The following NCS1 variants were observed in gnomAD, a reference collection of about 807,000 sequenced individuals.
NCS1 encodes the protein neuronal calcium sensor 1.
A neutral mutation model predicts 28.4 loss-of-function variants in NCS1; 6 were observed. The observed-to-expected ratio is 0.21, with a 90% CI of 0.12 to 0.42. NCS1 has a LOEUF of 0.42. Among genes scored for constraint, NCS1 ranks in the 10% least tolerant of loss-of-function variants. The probability of loss-of-function intolerance (pLI) is 1.00; values close to 1 mark genes in which losing one functional copy is unlikely to be tolerated. For synonymous variants in NCS1, 86 were observed against 99.3 expected, an observed-to-expected ratio of 0.87 and a Z score of 0.79; for missense variants, 131 against 241.4, an observed-to-expected ratio of 0.54 and a Z score of 3.03.
chr9:130,220,951 G>C (rs1257397281), intron 4 of NCS1, among the ~76,000 whole-genome samples: 1 of 151,922 alleles, frequency 6.6e-6, no homozygotes, highest in Non-Finnish European at 1.5e-5. Flanking sequence ...CCCAGGCCCC[G>C]GGCTCTCCCA....
intron 1 of NCS1, among the ~76,000 whole-genome samples, chr9:130,185,835 C>T (rs1347556784): frequency 6.6e-6 from 1 of 152,270 alleles, no homozygotes; most frequent in South Asian, 2.1e-4. Context: ...CCCACACAGC[C>T]TTGCCGGGCC....
At position 130,215,314 on chromosome 9, in the gene NCS1, G is replaced by C. The variant is rs1588121813; in HGVS notation, c.90-2518G>C. ...AGGGAGAAGGCAGGTTTAAGGGCCA[G>C]GACGGGGGTGGCTGTGTCCCTTCCT... On this transcript the variant is annotated intron_variant, in intron 2 of 7. Transcript: ENST00000372398. This position sits in a 1 kb window ranked among gnomAD's most constrained non-coding sequence, Gnocchi z 4.2. 6.6e-6 allele frequency among the ~76,000 whole-genome samples: 1 copy of C among 152,208 alleles called. No individual in the cohort carries two copies. The highest frequency in any genetic ancestry group is 6.5e-5 in the Admixed American group (1 of 15,276).
intron 1 of NCS1, among the ~76,000 whole-genome samples, chr9:130,176,229 G>C (rs1588106054): frequency 8.3e-6 from 1 of 120,020 alleles, no homozygotes; most frequent in Middle Eastern, 5.4e-3. Context: ...GTCTGGCTGT[G>C]TTGCCCTGAC....
chr9:130,211,010 A>ATTTTTTTTTTTTT (rs34425557), intron 2 of NCS1, among the ~76,000 whole-genome samples: 7 of 92,398 alleles, frequency 7.6e-5, no homozygotes, highest in Non-Finnish European at 9.8e-5. Flanking sequence ...GGCTCCACTA[A>ATTTTTTTTTTTTT]TTTTTTTTTT....
rs185020798 is a variant in NCS1 at position 130,183,837 on chromosome 9, T to A, written c.64+11110T>A. On this transcript the variant is annotated intron_variant, in intron 1 of 7. Coordinates refer to ENST00000372398, the MANE Select transcript of NCS1 (RefSeq NM_014286.4). ...CTTTCTTTTTTTTTTTGAGACAGAGTCTCGCTCTGTCGCCCAGGCTGGAGT... is the reference window on the plus strand; with the variant it reads ...CTTTCTTTTTTTTTTTGAGACAGAGACTCGCTCTGTCGCCCAGGCTGGAGT... Among the ~76,000 whole-genome samples, 220 of 149,888 alleles carry A rather than the reference T, an allele frequency of 1.5e-3. 6 individuals are homozygous for A. The East Asian group carries it at 0.035, about 24-fold the overall frequency.
At chr9:130,183,500 T>C (rs1353949386) in intron 1 of NCS1, among the ~76,000 whole-genome samples, 1 of 152,200 alleles carries the variant, frequency 6.6e-6, no homozygotes, top group Non-Finnish European at 1.5e-5. Context: ...GAAATAGCAC[T>C]CTGCCTTTTT....
rs1833087306 is a variant in NCS1, at chr9:130,209,848, A to G, written c.90-7984A>G. Among the ~76,000 whole-genome samples, 1 of 152,168 alleles carries G rather than the reference A, an allele frequency of 6.6e-6. No individual in the cohort carries two copies. The highest frequency in any genetic ancestry group is 1.9e-4 in the East Asian group (1 of 5,192). ...GTTCCCAAACACAGTCAACCATATC[A>G]GAAACCTCGGCTTCCCGTGGCTGGG... On this transcript the variant is annotated intron_variant, in intron 2 of 7. Transcript: ENST00000372398. The surrounding 1 kb of genome is among the most constrained non-coding windows in gnomAD (Gnocchi z 4.4).
intron 2 of NCS1, among the ~76,000 whole-genome samples, chr9:130,216,055 CT>C (rs1833179896): frequency 2.0e-5 from 3 of 152,196 alleles, no homozygotes. Context: ...GGTGCCACCC[CT>C]GGGTGCCCCA....
intron 1 of NCS1, among the ~76,000 whole-genome samples, chr9:130,189,564 A>C (rs1811384176): frequency 6.6e-6 from 1 of 152,030 alleles, no homozygotes; most frequent in Non-Finnish European, 1.5e-5. Context: ...GGTCTTGGCC[A>C]GCCACGGTGG....
At chr9:130,200,512 A>G (rs773667478) in intron 1 of NCS1, 22 of 1,517,076 alleles carry the variant, frequency 1.5e-5, no homozygotes, top group Non-Finnish European at 2.0e-5. Flanking sequence ...TTTTCAGCCT[A>G]GCTCCCCCCA....
chr9:130,189,880 ATAT>A (rs1310491278), intron 1 of NCS1, among the ~76,000 whole-genome samples: 544 of 47,466 alleles, frequency 0.011, 1 homozygote, highest in African/African-American at 0.014. Flanking sequence ...AAAAAAAAAA[ATAT>A]ATATATATAT....
chr9:130,189,879 A>T (rs2109623), intron 1 of NCS1, among the ~76,000 whole-genome samples: 3,252 of 37,166 alleles, frequency 0.087, 205 homozygotes, highest in Middle Eastern at 0.12. Context: ...AAAAAAAAAA[A>T]ATATATATAT....
chr9:130,208,793 G>T lies in NCS1; in HGVS notation c.89+7811G>T, dbSNP rs113581541. 6.4e-3 allele frequency among the ~76,000 whole-genome samples: 968 copies of T among 152,278 alleles called. 13 individuals carry two copies. Among genetic ancestry groups the T allele is most frequent in the African/African-American group, 0.022 (917 of 41,556 alleles). On this transcript the variant is annotated intron_variant, in intron 2 of 7. Transcript: ENST00000372398. The stretch of plus-strand genomic sequence containing the variant: ...AGTGCTGATGAAACGGTGCCGTGCG[G>T]AGAATACGAGGAGCGGCCCCATTTT...
At chr9:130,198,687 C>A (rs1417500346) in intron 1 of NCS1, among the ~76,000 whole-genome samples, 3 of 152,228 alleles carry the variant, frequency 2.0e-5, no homozygotes, top group African/African-American at 7.2e-5. Context: ...GTTTTCCCAA[C>A]AATCCCATTT....
intron 5 of NCS1, 122 bp from the exon 6 acceptor site, chr9:130,222,960 G>A (rs1172274555): frequency 3.6e-6 from 3 of 825,248 alleles, no homozygotes; most frequent in Non-Finnish European, 6.0e-6. Context: ...CAGGGATGGG[G>A]AGGGGAAAGA....
intron 1 of NCS1, among the ~76,000 whole-genome samples, chr9:130,190,814 C>T (rs1832808042): frequency 6.6e-6 from 1 of 152,226 alleles, no homozygotes; most frequent in Non-Finnish European, 1.5e-5. Flanking sequence ...TGCTTTGCCT[C>T]TCTGTGAAAC....
chr9:130,196,953 C>G (rs1465958383), intron 1 of NCS1, among the ~76,000 whole-genome samples: 2 of 152,112 alleles, frequency 1.3e-5, no homozygotes, highest in African/African-American at 4.8e-5. Flanking sequence ...CTCTTTTTTT[C>G]TGGAACAATC....
chr9:130,192,447 C>A lies in NCS1; in HGVS notation c.65-8511C>A, dbSNP rs1157554991. On this transcript the variant is annotated intron_variant, in intron 1 of 7. Transcript: ENST00000372398. The surrounding 1 kb of genome is among the most constrained non-coding windows in gnomAD (Gnocchi z 4.8). ...GGGGCTGCTCTTCCTGGACACGGGG[C>A]CTGTCGTTGTGGGAAATGAGGCGCT... 2.0e-5 allele frequency among the ~76,000 whole-genome samples: 3 copies of A among 152,056 alleles called. No homozygotes were observed. The highest frequency in any genetic ancestry group is 4.8e-5 in the African/African-American group (2 of 41,402).
intron 2 of NCS1, among the ~76,000 whole-genome samples, chr9:130,203,007 C>T (rs1270407500): frequency 2.7e-5 from 4 of 149,622 alleles, no homozygotes; most frequent in African/African-American, 5.0e-5. Context: ...CCATAGGCAT[C>T]GAGACTCCAG....
Sources: allele counts gnomAD v4.1 joint callset (sites outside exome capture counted in the v4.1 genomes callset), GRCh38; gene constraint gnomAD v4.1.1; non-coding constraint Gnocchi (gnomAD v3.1); transcripts MANE v1.5; gene names NCBI Gene and HGNC (gene_info 2026-07-23, HGNC 2026-07-21).